RBFOX1: variants seen among roughly 807,000 people sequenced by gnomAD.
RBFOX1 encodes RNA binding fox-1 homolog 1, also known as RNA binding protein fox-1 homolog 1.
RBFOX1 carries 8 observed loss-of-function variants against 57.7 expected under a neutral mutation model. The observed-to-expected ratio is 0.14, with a 90% CI of 0.08 to 0.25. The LOEUF is 0.25. Among genes scored for constraint, RBFOX1 ranks in the 10% least tolerant of loss-of-function variants. The pLI is 1.00. For missense variants in RBFOX1, 611 were observed against 548.5 expected, an observed-to-expected ratio of 1.11 and a Z score of -1.14; for synonymous variants, 326 against 222.4, an observed-to-expected ratio of 1.47 and a Z score of -4.15.
intron 1 of RBFOX1, among the ~76,000 whole-genome samples, chr16:6,159,369 A>T (rs991484369): frequency 6.6e-6 from 1 of 152,088 alleles, no homozygotes; most frequent in African/African-American, 2.4e-5. Flanking sequence ...GAGCCACCGC[A>T]CACGGCCTCT....
intron 1 of RBFOX1, among the ~76,000 whole-genome samples, chr16:5,424,318 G>A (rs1158323002): frequency 1.3e-5 from 2 of 152,214 alleles, no homozygotes; most frequent in Non-Finnish European, 2.9e-5. Context: ...CTGATTCAGA[G>A]TTCATTGACA....
chr16:6,778,196 A>G (rs1000366331), intron 3 of RBFOX1, among the ~76,000 whole-genome samples: 1 of 152,148 alleles, frequency 6.6e-6, no homozygotes, highest in African/African-American at 2.4e-5. Context: ...AAAACAATTC[A>G]GTCTCCCTGG....
intron 1 of RBFOX1, among the ~76,000 whole-genome samples, chr16:6,044,185 T>C (rs924435913): frequency 2.0e-5 from 3 of 152,168 alleles, no homozygotes; most frequent in Admixed American, 2.0e-4. Flanking sequence ...AAAACAGGTA[T>C]GTCTTGAATT....
intron 1 of RBFOX1, among the ~76,000 whole-genome samples, chr16:5,249,282 T>C (rs1427614710): frequency 6.6e-6 from 1 of 152,166 alleles, no homozygotes; most frequent in African/African-American, 2.4e-5. Flanking sequence ...TTTCCTTGGC[T>C]TCGTGTCCCC....
chr16:5,326,915 A>C (rs879942186), intron 1 of RBFOX1, among the ~76,000 whole-genome samples: 1 of 152,210 alleles, frequency 6.6e-6, no homozygotes, highest in Admixed American at 6.5e-5. Context: ...CATTTGTCCA[A>C]TATCGAGCCA....
rs554654989 is a variant in RBFOX1, at chr16:5,822,204, G to A, written c.319-45099G>A. ...AGGAATGAAAAACCAAACATCTTAT[G>A]TTGTCACTGATATGTGAGAGCTAAG... is the stretch of plus-strand genomic sequence containing the variant. On this transcript the variant is annotated intron_variant, in intron 3 of 19. Transcript: ENST00000641259. Among the ~76,000 whole-genome samples the A allele has an allele frequency of 2.6e-5, 4 of 152,294 alleles. No homozygotes were observed. The South Asian group carries it at 6.2e-4, about 24-fold the overall frequency.
chr16:5,650,411 G>A (rs2151359827), intron 3 of RBFOX1, among the ~76,000 whole-genome samples: 1 of 152,292 alleles, frequency 6.6e-6, no homozygotes, highest in East Asian at 1.9e-4. Flanking sequence ...TCCTGCAAGT[G>A]GTGCGGGAGA....
At chr16:5,667,697 G>C (rs944354923) in intron 3 of RBFOX1, among the ~76,000 whole-genome samples, 5 of 152,060 alleles carry the variant, frequency 3.3e-5, no homozygotes, top group African/African-American at 9.7e-5. Flanking sequence ...TTTCTAGTTG[G>C]TGTTTCTGCA....
chr16:5,795,457 C>T (rs866220400), intron 3 of RBFOX1, among the ~76,000 whole-genome samples: 2 of 152,148 alleles, frequency 1.3e-5, no homozygotes, highest in Non-Finnish European at 2.9e-5. Flanking sequence ...CACCTACCAC[C>T]GTGCGTGGCT....
chr16:5,702,347 T>A (rs762254254), intron 3 of RBFOX1, among the ~76,000 whole-genome samples: 2 of 152,118 alleles, frequency 1.3e-5, no homozygotes, highest in Non-Finnish European at 2.9e-5. Flanking sequence ...GAGAACTCAC[T>A]CACTATCATG....
chr16:5,516,595 A>C (rs928508724), intron 2 of RBFOX1, among the ~76,000 whole-genome samples: 1 of 152,200 alleles, frequency 6.6e-6, no homozygotes, highest in South Asian at 2.1e-4. Flanking sequence ...TAGGCCCTCA[A>C]TAAATCTTGA....
At chr16:6,398,977 G>A (rs1050831691) in intron 2 of RBFOX1, among the ~76,000 whole-genome samples, 1 of 152,208 alleles carries the variant, frequency 6.6e-6, no homozygotes, top group African/African-American at 2.4e-5. Context: ...CTTTTGCCCG[G>A]ATATCTGGGC....
chr16:7,058,758 T>C (rs966145250), intron 4 of RBFOX1, among the ~76,000 whole-genome samples: 3 of 152,192 alleles, frequency 2.0e-5, no homozygotes, highest in African/African-American at 7.2e-5. Flanking sequence ...TTGATATTGG[T>C]TTTTCATTTA....
chr16:5,625,886 A>AT (rs1040244113), intron 3 of RBFOX1, among the ~76,000 whole-genome samples: 3 of 145,626 alleles, frequency 2.1e-5, no homozygotes, highest in African/African-American at 5.1e-5. Context: ...ATCTTATTTT[A>AT]TTTTTTTGAG....
At chr16:7,378,014 G>C (rs2097716105) in intron 4 of RBFOX1, among the ~76,000 whole-genome samples, 1 of 152,172 alleles carries the variant, frequency 6.6e-6, no homozygotes, top group African/African-American at 2.4e-5. Context: ...AGTCTCTAAA[G>C]TTAGAATAAG....
At chr16:5,900,595 T>C (rs2058283238) in intron 4 of RBFOX1, among the ~76,000 whole-genome samples, 1 of 152,158 alleles carries the variant, frequency 6.6e-6, no homozygotes, top group South Asian at 2.1e-4. Flanking sequence ...AGCCAGTTCC[T>C]CATCCGTATT....
chr16:5,424,031 C>T (rs567771254), intron 1 of RBFOX1, among the ~76,000 whole-genome samples: 1 of 152,314 alleles, frequency 6.6e-6, no homozygotes, highest in South Asian at 2.1e-4. Context: ...AACCAACCCT[C>T]ACTGTCCTAG....
chr16:6,130,704 G>A (rs1449614316), intron 1 of RBFOX1, among the ~76,000 whole-genome samples: 1 of 152,142 alleles, frequency 6.6e-6, no homozygotes, highest in Non-Finnish European at 1.5e-5. Flanking sequence ...TGAATAGTAA[G>A]GATAAGAAAG....
chr16:6,505,195 A>G (rs1005701102), intron 2 of RBFOX1, among the ~76,000 whole-genome samples: 1 of 152,184 alleles, frequency 6.6e-6, no homozygotes, highest in Non-Finnish European at 1.5e-5. Context: ...GATTTGAAGT[A>G]TTCCTTAAAG....
Sources: gnomAD v4.1 joint callset for allele counts (sites outside exome capture counted in the v4.1 genomes callset) on GRCh38, gnomAD v4.1.1 for gene constraint, MANE v1.5 for transcripts, NCBI Gene and HGNC (gene_info 2026-07-23, HGNC 2026-07-21) for gene names.